VAT1L: variants seen among roughly 807,000 people sequenced by gnomAD.
VAT1L encodes putative NADPH-dependent quinone oxidoreductase VAT1L.
VAT1L carries 34 observed loss-of-function variants against 44.1 expected under a neutral mutation model. That is an observed-to-expected ratio of 0.77 (90% CI 0.59 to 1.03). The LOEUF (loss-of-function observed/expected upper bound fraction) is 1.03. VAT1L is among the 50% of genes least tolerant of loss of function. VAT1L has a pLI of 0.00. For missense variants in VAT1L, 615 were observed against 538.8 expected (o/e 1.14, Z -1.40); for synonymous variants, 253 against 202.2 (o/e 1.25, Z -2.13).
chr16:77,914,306 A>G (rs771816823), intron 7 of VAT1L, among the ~76,000 whole-genome samples: 4 of 152,202 alleles, frequency 2.6e-5, no homozygotes, highest in Admixed American at 6.5e-5. Context: ...TTGGCTATCT[A>G]TGCTTTTGAG....
intron 4 of VAT1L, among the ~76,000 whole-genome samples, chr16:77,866,230 G>T (rs746118632): frequency 1.1e-4 from 17 of 152,226 alleles, no homozygotes; most frequent in Admixed American, 8.5e-4. Flanking sequence ...AGCACATGTT[G>T]ACAGAGTGAA....
chr16:77,789,491 T>C (rs1323548314), intron 1 of VAT1L, among the ~76,000 whole-genome samples: 1 of 152,138 alleles, frequency 6.6e-6, no homozygotes, highest in Admixed American at 6.5e-5. Flanking sequence ...TTTTTTCACC[T>C]CTATGCTGTT....
intron 7 of VAT1L, among the ~76,000 whole-genome samples, chr16:77,898,482 G>A (rs1446479682): frequency 1.3e-5 from 2 of 152,196 alleles, no homozygotes; most frequent in African/African-American, 4.8e-5. Flanking sequence ...CCCTCCTCCA[G>A]TTATAGCTGT....
rs189319351 is a variant in VAT1L, at chr16:77,861,222, G to T, written c.580-1526G>T. Reference sequence around the variant, plus strand: ...ATGATAGGCAGAAATTAACATCACAGATGACGCTGGTAGAATATTTTCCCT... The same window carrying T: ...ATGATAGGCAGAAATTAACATCACATATGACGCTGGTAGAATATTTTCCCT... On this transcript the variant is annotated intron_variant, in intron 3 of 8. Transcript: ENST00000302536. Among the ~76,000 whole-genome samples, 21 of 152,330 alleles carry T rather than the reference G, an allele frequency of 1.4e-4. No individual in the cohort carries two copies. The East Asian group carries it at 3.9e-3, about 28-fold the overall frequency.
At chr16:77,872,083 A>G (rs2017038905) in intron 4 of VAT1L, among the ~76,000 whole-genome samples, 1 of 152,184 alleles carries the variant, frequency 6.6e-6, no homozygotes, top group Non-Finnish European at 1.5e-5. Context: ...TATCACCATC[A>G]TCCCCTTCCA....
chr16:77,914,509 G>A (rs1259725727), intron 7 of VAT1L, among the ~76,000 whole-genome samples: 1 of 151,940 alleles, frequency 6.6e-6, no homozygotes, highest in Admixed American at 6.6e-5. Flanking sequence ...TTGTGTAGAT[G>A]AAAGAAAGTA....
chr16:77,852,054 C>T lies in VAT1L; in HGVS notation c.580-10694C>T, dbSNP rs546399520. On this transcript the variant is annotated intron_variant, in intron 3 of 8. Coordinates refer to ENST00000302536, the MANE Select transcript of VAT1L (RefSeq NM_020927.3). ...CTTGCTTTGGGTCTTGTTCTGAAAG[C>T]GGGGATCTCCCACAGTCTCTTCCTC... 1.2e-4 allele frequency among the ~76,000 whole-genome samples: 19 copies of T among 152,196 alleles called. No homozygotes were observed. In the East Asian group the frequency reaches 3.1e-3, roughly 25 times the overall value.
At chr16:77,826,050 GA>G (rs1287507137) in intron 3 of VAT1L, among the ~76,000 whole-genome samples, 1 of 44,866 alleles carries the variant, frequency 2.2e-5, no homozygotes, top group African/African-American at 8.2e-5. Flanking sequence ...AAAAAAAAAA[GA>G]AAGAAATTAG....
rs576699835 is a variant in VAT1L at position 77,822,157 on chromosome 16, G to A, written c.364-3089G>A. ...TTTATTTATTTATTTATTTAGAGAC[G>A]GAGTTTCGCTCTTGTTGCCCAGGCT... On this transcript the variant is annotated intron_variant, in intron 2 of 8. Coordinates refer to ENST00000302536, the MANE Select transcript of VAT1L (RefSeq NM_020927.3). 9.2e-5 allele frequency among the ~76,000 whole-genome samples: 14 copies of A among 152,008 alleles called. 1 individual carries two copies. The highest frequency in any genetic ancestry group is 5.8e-4 in the East Asian group (3 of 5,150).
rs562410996 is a variant in VAT1L, at chr16:77,973,016, A to C, written c.1161+1083A>C. Among the ~76,000 whole-genome samples, 146 of 151,258 alleles carry C rather than the reference A, an allele frequency of 9.7e-4. 1 individual carries two copies. The highest frequency in any genetic ancestry group is 2.2e-3 in the Admixed American group (34 of 15,180). ...TTTTTTTTTCTTTCACCAGAATAAA[A>C]CCCTTATATCCCAGGGATACCACCA... On this transcript the variant is annotated intron_variant, in intron 8 of 8. Coordinates refer to ENST00000302536, the MANE Select transcript of VAT1L (RefSeq NM_020927.3).
intron 7 of VAT1L, among the ~76,000 whole-genome samples, chr16:77,893,225 T>G (rs369746464): frequency 6.6e-6 from 1 of 152,146 alleles, no homozygotes; most frequent in African/African-American, 2.4e-5. Context: ...TGGGAGGCTG[T>G]GGCAATTTTG....
intron 1 of VAT1L, among the ~76,000 whole-genome samples, chr16:77,791,375 C>T (rs1165076935): frequency 1.3e-5 from 2 of 152,138 alleles, no homozygotes; most frequent in East Asian, 1.9e-4. Context: ...CCTGGAATGA[C>T]GTTCCAAGTT....
intron 2 of VAT1L, among the ~76,000 whole-genome samples, chr16:77,817,839 C>T (rs568821921): frequency 7.2e-5 from 11 of 152,122 alleles, no homozygotes; most frequent in African/African-American, 1.9e-4. Flanking sequence ...TCAGAAAAAC[C>T]AATGCAAATC....
chr16:77,828,875 C>T (rs2016550667), intron 3 of VAT1L, among the ~76,000 whole-genome samples: 2 of 151,934 alleles, frequency 1.3e-5, no homozygotes, highest in South Asian at 4.1e-4. Context: ...TCATTTTAGC[C>T]GAGCGAAACC....
chr16:77,975,656 G>A (rs2018331549), intron 8 of VAT1L, among the ~76,000 whole-genome samples: 1 of 152,246 alleles, frequency 6.6e-6, no homozygotes, highest in African/African-American at 2.4e-5. Context: ...GGCAGCTCCA[G>A]AAGTAAATTT....
intron 3 of VAT1L, among the ~76,000 whole-genome samples, chr16:77,833,354 G>A (rs927312172): frequency 1.3e-5 from 2 of 152,222 alleles, no homozygotes; most frequent in Non-Finnish European, 2.9e-5. Flanking sequence ...GAGGAGGTGA[G>A]GGGTGGAATC....
At chr16:77,865,312 G>A (rs16946708) in intron 4 of VAT1L, among the ~76,000 whole-genome samples, 3,443 of 152,170 alleles carry the variant, frequency 0.023, 123 homozygotes, top group African/African-American at 0.079. Flanking sequence ...CTGTGGTCTG[G>A]AAAATGAACT....
At chr16:77,909,636 CAAAAAA>C (rs35074692) in intron 7 of VAT1L, among the ~76,000 whole-genome samples, 1 of 87,324 alleles carries the variant, frequency 1.1e-5, no homozygotes. Flanking sequence ...GACTCTGTCT[CAAAAAA>C]AAAAAAAAAA....
chr16:77,794,597 C>A (rs929567270), intron 1 of VAT1L, among the ~76,000 whole-genome samples: 28 of 152,190 alleles, frequency 1.8e-4, no homozygotes, highest in Non-Finnish European at 4.0e-4. Context: ...TGAAAGGTGG[C>A]CAACATGATA....
Sources: gnomAD v4.1 joint callset for allele counts (sites outside exome capture counted in the v4.1 genomes callset) on GRCh38, gnomAD v4.1.1 for gene constraint, MANE v1.5 for transcripts, NCBI Gene and HGNC (gene_info 2026-07-23, HGNC 2026-07-21) for gene names.